The following STYK1 variants were observed in gnomAD, a reference collection of about 807,000 sequenced individuals.
The protein encoded by STYK1 is tyrosine-protein kinase STYK1.
In STYK1, 46 loss-of-function variants were observed where a neutral mutation model predicts 48.1. The observed-to-expected ratio is 0.96, with a 90% CI of 0.75 to 1.22. The LOEUF (loss-of-function observed/expected upper bound fraction) is 1.22, where lower values mean the gene tolerates loss of function less well. Ranked by LOEUF, STYK1 falls within the 50% of genes most tolerant of loss-of-function variation. The pLI is 0.00. For synonymous variants in STYK1, 188 were observed against 189.0 expected (o/e 0.99, Z 0.04); for missense variants, 527 against 521.1 (o/e 1.01, Z -0.11).
intron 1 of STYK1, among the ~76,000 whole-genome samples, chr12:10,657,642 C>T (rs1246697554): frequency 1.3e-5 from 2 of 152,124 alleles, no homozygotes; most frequent in East Asian, 1.9e-4. Context: ...GTTTGGTATA[C>T]CTGCTTTAGA....
chr12:10,635,421 C>T (rs1172483694), intron 2 of STYK1, among the ~76,000 whole-genome samples: 1 of 152,196 alleles, frequency 6.6e-6, no homozygotes, highest in Non-Finnish European at 1.5e-5. Context: ...AAGCAGTGAA[C>T]AGACAGCATT....
At position 10,629,649 on chromosome 12, in the gene STYK1, T is replaced by G; in HGVS notation, c.477A>C (p.Gln159His). 6.2e-7 allele frequency: 1 copy of G among 1,614,132 alleles called. No homozygotes were observed. Among genetic ancestry groups the G allele is most frequent in the Non-Finnish European group, 8.5e-7 (1 of 1,180,018 alleles). The change falls in exon 6 of 11, where the codon CAA becomes CAC. Residue 159 changes from glutamine to histidine, a missense_variant. By Grantham distance (24) the Gln-to-His change is conservative. Coordinates refer to ENST00000075503, the MANE Select transcript of STYK1 (RefSeq NM_018423.3). ...LKEPAGLHEV[Q>H]DFLGRIQFHQ... ...GGAATTGGATTCGCCCTAAGAAATCTTGTACCTCATGGAGCCCAGCTGGTT... is the reference window on the plus strand; with the variant it reads ...GGAATTGGATTCGCCCTAAGAAATCGTGTACCTCATGGAGCCCAGCTGGTT...
chr12:10,667,825 C>T (rs1362501933), intron 1 of STYK1, among the ~76,000 whole-genome samples: 7 of 152,058 alleles, frequency 4.6e-5, no homozygotes, highest in African/African-American at 1.7e-4. Flanking sequence ...TTTATGTTTC[C>T]TGAAGACTCA....
At chr12:10,661,997 C>T (rs944900272) in intron 1 of STYK1, among the ~76,000 whole-genome samples, 2 of 152,154 alleles carry the variant, frequency 1.3e-5, no homozygotes, top group African/African-American at 4.8e-5. Context: ...GAAACCCCTA[C>T]CCAATAGCAA....
chr12:10,666,163 T>C (rs1947831699), intron 1 of STYK1, among the ~76,000 whole-genome samples: 1 of 152,128 alleles, frequency 6.6e-6, no homozygotes, highest in Non-Finnish European at 1.5e-5. Context: ...ACCAGGAGCT[T>C]TTCCTGTCTA....
intron 1 of STYK1, among the ~76,000 whole-genome samples, chr12:10,660,297 C>G (rs1285757018): frequency 6.6e-6 from 1 of 152,102 alleles, no homozygotes; most frequent in Non-Finnish European, 1.5e-5. Context: ...ATGAATGGCC[C>G]TCTCCATACT....
intron 6 of STYK1, 114 bp downstream of exon 6, chr12:10,629,379 G>A (rs1333677757): frequency 9.3e-6 from 10 of 1,077,054 alleles, no homozygotes; most frequent in South Asian, 1.5e-5. Context: ...CCCTTATTCT[G>A]TCATGCTATT....
intron 4 of STYK1, among the ~76,000 whole-genome samples, chr12:10,633,409 T>C (rs1947450616): frequency 6.6e-6 from 1 of 152,212 alleles, no homozygotes; most frequent in African/African-American, 2.4e-5. Context: ...AACTAAGGAT[T>C]AGCCACTATA....
At chr12:10,624,193 A>G in intron 8 of STYK1, among the ~76,000 whole-genome samples, 1 of 151,042 alleles carries the variant, frequency 6.6e-6, no homozygotes, top group African/African-American at 2.4e-5. Context: ...GGCGAAGGTG[A>G]GAGGATCACT....
chr12:10,622,905 C>T (rs894552512), intron 8 of STYK1, among the ~76,000 whole-genome samples: 2 of 152,174 alleles, frequency 1.3e-5, no homozygotes, highest in East Asian at 3.8e-4. Context: ...ATTTACTCTC[C>T]TGTGTTTTAA....
chr12:10,670,555 G>A (rs182484500), intron 1 of STYK1, among the ~76,000 whole-genome samples: 3 of 152,056 alleles, frequency 2.0e-5, no homozygotes, highest in East Asian at 3.9e-4. Flanking sequence ...TAGAAAGATG[G>A]TTACCAGAGG....
chr12:10,634,726 A>T, intron 2 of STYK1, 40 bp from the exon 3 acceptor site: 9 of 1,264,256 alleles, frequency 7.1e-6, no homozygotes, highest in Non-Finnish European at 8.9e-6. Flanking sequence ...AAAATGAATG[A>T]AAAAAAATAA....
intron 1 of STYK1, 97 bp from the exon 2 acceptor site, chr12:10,637,293 T>G (rs1947496427): frequency 6.6e-6 from 1 of 152,094 alleles, no homozygotes; most frequent in Non-Finnish European, 1.5e-5. Flanking sequence ...TGGTTACAGT[T>G]TATTTAGGTA....
At chr12:10,644,440 T>C (rs923328293) in intron 1 of STYK1, among the ~76,000 whole-genome samples, 39 of 152,228 alleles carry the variant, frequency 2.6e-4, no homozygotes, top group African/African-American at 2.4e-5. Context: ...GATGTTCCCA[T>C]TGGGAAAATT....
intron 4 of STYK1, among the ~76,000 whole-genome samples, chr12:10,632,716 CTT>C (rs1947443413): frequency 6.6e-6 from 1 of 151,998 alleles, no homozygotes; most frequent in African/African-American, 2.4e-5. Context: ...GTGAGAGTAA[CTT>C]GGGTTTATTT....
At position 10,619,758 on chromosome 12, in the gene STYK1, A is replaced by G. The variant is rs1341682753; in HGVS notation, c.*386T>C. Reference sequence around the variant, plus strand: ...CCTTCAACTCTTTTATTGGATTTCTATTCCTTCATTTCATTCCAAATTTTC... The same window carrying G: ...CCTTCAACTCTTTTATTGGATTTCTGTTCCTTCATTTCATTCCAAATTTTC... On this transcript the variant is annotated 3_prime_UTR_variant, in exon 11 of 11. Transcript: ENST00000075503. 4 of 377,854 alleles carry G rather than the reference A, an allele frequency of 1.1e-5. No homozygotes were observed. Among genetic ancestry groups the G allele is most frequent in the African/African-American group, 2.1e-5 (1 of 48,304 alleles). 23.4% of individuals were successfully genotyped at this position (377,854 alleles called of 1,614,324 possible). A position where few individuals can be genotyped will look rare whatever the true frequency, so the allele number is the denominator to read the frequency against.
At chr12:10,657,068 T>G (rs75885730) in intron 1 of STYK1, among the ~76,000 whole-genome samples, 3 of 66 alleles carry the variant, frequency 0.045, no homozygotes, top group Non-Finnish European at 0.083. Context: ...TGGAAGATAC[T>G]GGAAGTGTCC....
chr12:10,666,862 T>C (rs1947838984), intron 1 of STYK1, among the ~76,000 whole-genome samples: 1 of 152,222 alleles, frequency 6.6e-6, no homozygotes, highest in African/African-American at 2.4e-5. Context: ...ATAAGTCAAT[T>C]AAACCTCTTT....
At position 10,634,032 on chromosome 12, in the gene STYK1, T is replaced by C. The variant is rs756427676; in HGVS notation, c.145A>G (p.Ile49Val). The change falls in exon 4 of 11, where the codon ATC becomes GTC. Residue 49 changes from isoleucine to valine, a missense_variant. By Grantham distance (29) the Ile-to-Val change is conservative (BLOSUM62 3). Coordinates refer to ENST00000075503, the MANE Select transcript of STYK1 (RefSeq NM_018423.3). The part of the protein sequence containing the change: ...ILLGVILWLF[I>V]REQRTQQQRS... ...TGCTGTTGAGTTCTTTGTTCTCTGATAAAAAGCCACAGGATGACCCCAAGA... is the reference window on the plus strand; with the variant it reads ...TGCTGTTGAGTTCTTTGTTCTCTGACAAAAAGCCACAGGATGACCCCAAGA... 1.9e-6 allele frequency: 3 copies of C among 1,614,116 alleles called. No homozygotes were observed. The highest frequency in any genetic ancestry group is 2.5e-6 in the Non-Finnish European group (3 of 1,180,006).
Sources: gnomAD v4.1 joint callset for allele counts (sites outside exome capture counted in the v4.1 genomes callset) on GRCh38, gnomAD v4.1.1 for gene constraint, MANE v1.5 for transcripts, NCBI Gene and HGNC (gene_info 2026-07-23, HGNC 2026-07-21) for gene names.